GABRG3: variants seen among roughly 807,000 people sequenced by gnomAD.
GABRG3 encodes the protein gamma-aminobutyric acid receptor subunit gamma-3.
A neutral mutation model predicts 48.8 loss-of-function variants in GABRG3; 25 were observed. The ratio of observed to expected loss-of-function variants is 0.51; its 90% CI spans 0.37 to 0.72. GABRG3 has a LOEUF of 0.72. Among genes scored for constraint, GABRG3 ranks in the 30% least tolerant of loss-of-function variants. The pLI, the probability that GABRG3 is intolerant of heterozygous loss-of-function variation, is 0.00. For missense variants in GABRG3, 394 were observed against 577.9 expected (o/e 0.68, Z 3.26); for synonymous variants, 227 against 217.6 (o/e 1.04, Z -0.38).
chr15:27,453,043 A>G (rs1171260244), intron 5 of GABRG3, among the ~76,000 whole-genome samples: 1 of 152,234 alleles, frequency 6.6e-6, no homozygotes, highest in Non-Finnish European at 1.5e-5. Flanking sequence ...AGCCACAGAA[A>G]GACAAATATT....
intron 5 of GABRG3, chr15:27,365,424 T>G (rs577273980): frequency 3.3e-4 from 50 of 152,348 alleles, no homozygotes; most frequent in African/African-American, 1.1e-3. Context: ...GCCTTTCTTT[T>G]AAATGTCCTT....
At chr15:27,120,326 C>T (rs1235544897) in intron 3 of GABRG3, among the ~76,000 whole-genome samples, 1 of 152,204 alleles carries the variant, frequency 6.6e-6, no homozygotes, top group Non-Finnish European at 1.5e-5. Flanking sequence ...TATTGTCTTG[C>T]ATGCATAGGT....
intron 2 of GABRG3, among the ~76,000 whole-genome samples, chr15:27,020,463 G>A (rs1417462327): frequency 1.3e-5 from 2 of 152,214 alleles, no homozygotes; most frequent in Admixed American, 6.5e-5. Flanking sequence ...CCAGGCTGGA[G>A]TGCAGTGGCG....
At chr15:27,013,846 C>A (rs1356876335) in intron 2 of GABRG3, among the ~76,000 whole-genome samples, 1 of 151,872 alleles carries the variant, frequency 6.6e-6, no homozygotes, top group Non-Finnish European at 1.5e-5. Context: ...ATTTGGGGTC[C>A]CTTGAGACTC....
chr15:27,200,257 T>C (rs1251379502), intron 3 of GABRG3, among the ~76,000 whole-genome samples: 1 of 152,212 alleles, frequency 6.6e-6, no homozygotes, highest in Non-Finnish European at 1.5e-5. Context: ...TTAAATTTAG[T>C]TTATGTGGGG....
At chr15:27,474,668 C>G (rs935025873) in intron 5 of GABRG3, among the ~76,000 whole-genome samples, 2 of 152,124 alleles carry the variant, frequency 1.3e-5, no homozygotes, top group Non-Finnish European at 2.9e-5. Context: ...CTGCAAAGAA[C>G]AAAAGTGTTT....
intron 5 of GABRG3, among the ~76,000 whole-genome samples, chr15:27,411,159 G>C (rs1010471362): frequency 9.2e-5 from 14 of 152,048 alleles, no homozygotes; most frequent in African/African-American, 3.4e-4. Context: ...TGCCCGACTA[G>C]CGTCACCACC....
intron 5 of GABRG3, among the ~76,000 whole-genome samples, chr15:27,409,434 T>C (rs1045318899): frequency 6.6e-6 from 1 of 152,174 alleles, no homozygotes; most frequent in Non-Finnish European, 1.5e-5. Flanking sequence ...GGAGTCTCTG[T>C]TCTGTTTCAT....
chr15:27,238,156 T>C (rs1040941419), intron 3 of GABRG3, among the ~76,000 whole-genome samples: 7 of 100,296 alleles, frequency 7.0e-5, no homozygotes, highest in Non-Finnish European at 1.9e-4. Context: ...TCTTTTTTTC[T>C]TTCATTTCTG....
rs896659150 is a variant in GABRG3, at chr15:26,976,894, T to C, written c.54-108T>C. The stretch of plus-strand genomic sequence containing the variant: ...TTCACGTGTGTGGTTGGGCTGTGGG[T>C]ACTGGGGACTTTCTACCCATTTCAT... On this transcript the variant is annotated intron_variant, in intron 1 of 9. Coordinates refer to ENST00000615808, the MANE Select transcript of GABRG3 (RefSeq NM_033223.5). This position sits in a 1 kb window ranked among gnomAD's most constrained non-coding sequence, Gnocchi z 7.8. The C allele has an allele frequency of 9.4e-7, 1 of 1,059,930 alleles. No individual in the cohort carries two copies. Among genetic ancestry groups the C allele is most frequent in the Admixed American group, 2.4e-5 (1 of 42,206 alleles). 65.7% of individuals were successfully genotyped at this position (1,059,930 alleles called of 1,614,324 possible).
chr15:27,389,672 A>G (rs1896161997), intron 5 of GABRG3, among the ~76,000 whole-genome samples: 1 of 152,242 alleles, frequency 6.6e-6, no homozygotes, highest in Non-Finnish European at 1.5e-5. Flanking sequence ...ATCATCCTAC[A>G]GAACAATCCG....
chr15:27,444,794 C>T (rs1023484471), intron 5 of GABRG3, among the ~76,000 whole-genome samples: 1 of 152,214 alleles, frequency 6.6e-6, no homozygotes, highest in South Asian at 2.1e-4. Flanking sequence ...ATCTTTTATA[C>T]TTTAGAAGTT....
intron 3 of GABRG3, among the ~76,000 whole-genome samples, chr15:27,064,398 G>A (rs770565045): frequency 5.9e-5 from 9 of 152,150 alleles, no homozygotes; most frequent in African/African-American, 1.4e-4. Context: ...TTGGTGCAGC[G>A]TTTCTGACCC....
chr15:27,054,784 G>C (rs756961890), intron 3 of GABRG3, among the ~76,000 whole-genome samples: 4 of 152,222 alleles, frequency 2.6e-5, no homozygotes, highest in East Asian at 3.9e-4. Flanking sequence ...TGTATCGAGC[G>C]GGGAGGAACA....
In GABRG3 at chr15:27,416,212, G is replaced by A. The variant is rs573008685; in HGVS notation, c.575-64438G>A. 5.3e-5 allele frequency among the ~76,000 whole-genome samples: 8 copies of A among 152,298 alleles called. No individual in the cohort carries two copies. The East Asian group carries it at 1.5e-3, about 29-fold the overall frequency. ...CAGGATGTACCGGGTAAGAGAAACT[G>A]CTTTAAAATGGCCTCTAATCATATG... On this transcript the variant is annotated intron_variant, in intron 5 of 9. Transcript: ENST00000615808.
At chr15:27,338,784 T>C (rs537538377) in intron 5 of GABRG3, among the ~76,000 whole-genome samples, 112 of 152,320 alleles carry the variant, frequency 7.4e-4, no homozygotes, top group African/African-American at 2.6e-3. Flanking sequence ...AGCAAATGTA[T>C]ATTTTTGCAC....
intron 3 of GABRG3, among the ~76,000 whole-genome samples, chr15:27,040,000 A>G (rs1196432469): frequency 6.6e-6 from 1 of 151,996 alleles, no homozygotes; most frequent in East Asian, 1.9e-4. Context: ...CATCCCACTT[A>G]ATTCTTGGTT....
chr15:27,033,269 C>T (rs1286632508), intron 3 of GABRG3, among the ~76,000 whole-genome samples: 2 of 152,044 alleles, frequency 1.3e-5, no homozygotes, highest in African/African-American at 4.8e-5. Context: ...GAAATGTTTA[C>T]CATGGTGAGC....
chr15:27,397,737 C>A (rs1887351555), intron 5 of GABRG3, among the ~76,000 whole-genome samples: 1 of 151,730 alleles, frequency 6.6e-6, no homozygotes, highest in African/African-American at 2.4e-5. Context: ...AGGTATTTTT[C>A]TTGGTGTTTA....
Sources: allele counts gnomAD v4.1 joint callset (sites outside exome capture counted in the v4.1 genomes callset), GRCh38; gene constraint gnomAD v4.1.1; non-coding constraint Gnocchi (gnomAD v3.1); transcripts MANE v1.5; gene names NCBI Gene and HGNC (gene_info 2026-07-23, HGNC 2026-07-21).